Variants in SHISA9 observed in about 807,000 individuals in gnomAD.
The protein encoded by SHISA9 is shisa family member 9.
In SHISA9, 13 loss-of-function variants were observed where a neutral mutation model predicts 38.0. That is an observed-to-expected ratio of 0.34 (90% CI 0.22 to 0.54). The LOEUF (loss-of-function observed/expected upper bound fraction) is 0.54. Among genes scored for constraint, SHISA9 ranks in the 20% least tolerant of loss-of-function variants. The pLI is 0.91. For synonymous variants in SHISA9, 275 were observed against 242.0 expected (o/e 1.14, Z -1.27); for missense variants, 538 against 575.8 (o/e 0.93, Z 0.67).
chr16:12,936,788 C>G (rs1042126387), intron 2 of SHISA9, among the ~76,000 whole-genome samples: 2 of 152,174 alleles, frequency 1.3e-5, no homozygotes, highest in African/African-American at 4.8e-5. Context: ...CGAGACAAGA[C>G]TCTACTGTTA....
chr16:13,196,875 C>A (rs1188316181), intron 2 of SHISA9, among the ~76,000 whole-genome samples: 1 of 152,212 alleles, frequency 6.6e-6, no homozygotes, highest in Non-Finnish European at 1.5e-5. Flanking sequence ...AGGCAGGTCA[C>A]CTGAGGTCAG....
intron 2 of SHISA9, among the ~76,000 whole-genome samples, chr16:13,058,751 T>TTGTGTGTGTGTG (rs57415975): frequency 2.1e-4 from 31 of 144,946 alleles, no homozygotes; most frequent in African/African-American, 7.6e-4. Flanking sequence ...TGTGGTGTAT[T>TTGTGTGTGTGTG]TGTGTGTGTG....
intron 2 of SHISA9, among the ~76,000 whole-genome samples, chr16:12,960,033 T>C (rs2071888436): frequency 6.6e-6 from 1 of 152,246 alleles, no homozygotes; most frequent in African/African-American, 2.4e-5. Context: ...ACGCATTTCC[T>C]TTGAAGAAAT....
the SHISA9 span, among the ~76,000 whole-genome samples, chr16:13,277,798 A>G: frequency 1.3e-5 from 2 of 151,208 alleles, no homozygotes; most frequent in Admixed American, 1.3e-4. Flanking sequence ...CTGAATTAAC[A>G]TATCAGGAGC....
chr16:13,548,220 A>G, the SHISA9 span, among the ~76,000 whole-genome samples: 1 of 152,150 alleles, frequency 6.6e-6, no homozygotes, highest in Non-Finnish European at 1.5e-5. Context: ...CTCACAATGA[A>G]TTAAAGATTT....
chr16:13,191,933 G>A (rs1486127877), intron 2 of SHISA9, among the ~76,000 whole-genome samples: 2 of 152,090 alleles, frequency 1.3e-5, no homozygotes, highest in Non-Finnish European at 2.9e-5. Context: ...GCAAAGTTAT[G>A]GAACCAATGA....
chr16:12,906,191 A>C (rs1272862811), intron 1 of SHISA9, among the ~76,000 whole-genome samples: 1 of 152,334 alleles, frequency 6.6e-6, no homozygotes, highest in South Asian at 2.1e-4. Context: ...CCTGCCAGTC[A>C]CAGCCTCTTA....
chr16:13,106,995 TCTC>T (rs2073931893), intron 2 of SHISA9, among the ~76,000 whole-genome samples: 1 of 148,800 alleles, frequency 6.7e-6, no homozygotes, highest in Non-Finnish European at 1.5e-5. Flanking sequence ...TCTCTCTCTC[TCTC>T]TCTCTGCTTT....
At chr16:13,059,359 C>A (rs377570140) in intron 2 of SHISA9, among the ~76,000 whole-genome samples, 10 of 152,180 alleles carry the variant, frequency 6.6e-5, no homozygotes, top group African/African-American at 2.2e-4. Flanking sequence ...AATCTCCTGA[C>A]CTCGTGATCT....
chr16:13,082,504 T>G (rs1350524153), intron 2 of SHISA9: 2 of 151,972 alleles, frequency 1.3e-5, no homozygotes, highest in East Asian at 3.9e-4. Flanking sequence ...GAAGAGAGAG[T>G]GTCTCTGCAG....
intron 2 of SHISA9, among the ~76,000 whole-genome samples, chr16:13,112,594 C>A (rs1180558359): frequency 6.6e-6 from 1 of 152,006 alleles, no homozygotes; most frequent in Non-Finnish European, 1.5e-5. Context: ...CAATTTTATA[C>A]AATACCTCTC....
intron 2 of SHISA9, among the ~76,000 whole-genome samples, chr16:13,020,614 G>A (rs772215453): frequency 6.6e-6 from 1 of 152,090 alleles, no homozygotes; most frequent in East Asian, 1.9e-4. Flanking sequence ...TGGAGTCAAG[G>A]CTTCAGCATA....
the SHISA9 span, among the ~76,000 whole-genome samples, chr16:13,413,484 A>G: frequency 6.6e-6 from 1 of 152,134 alleles, no homozygotes; most frequent in Non-Finnish European, 1.5e-5. Context: ...GGCCAGGCGC[A>G]GTGGCTCACG....
At position 13,238,815 on chromosome 16, in the gene SHISA9, T is replaced by TTAA. The variant is rs1555475118; in HGVS notation, c.*3407_*3408insAAT. On this transcript the variant is annotated 3_prime_UTR_variant, in exon 5 of 5. Coordinates refer to ENST00000558583, the MANE Select transcript of SHISA9 (RefSeq NM_001145204.3). ...TTTTTTTTAATGTATCCATGGAGTA[T>TTAA]TTATTATTATTATTATTATTATTAT... 1 of 136,148 alleles carries TTAA rather than the reference T, an allele frequency of 7.3e-6. No homozygotes were observed. The highest frequency in any genetic ancestry group is 7.5e-5 in the Admixed American group (1 of 13,274). The allele number at this position is 136,148 out of a possible 1,614,324, so 8.4% of individuals were successfully genotyped here.
intron 3 of SHISA9, among the ~76,000 whole-genome samples, chr16:13,208,031 C>G (rs1157487945): frequency 6.6e-6 from 1 of 152,126 alleles, no homozygotes; most frequent in East Asian, 1.9e-4. Flanking sequence ...GCTTTAACAT[C>G]CAGAGCTCTG....
the SHISA9 span, among the ~76,000 whole-genome samples, chr16:13,342,494 C>G: frequency 6.6e-6 from 1 of 152,152 alleles, no homozygotes; most frequent in South Asian, 2.1e-4. Flanking sequence ...CCATGTTGGT[C>G]AGACTGGTCT....
chr16:13,338,610 C>T, the SHISA9 span, among the ~76,000 whole-genome samples: 9 of 152,256 alleles, frequency 5.9e-5, no homozygotes, highest in South Asian at 1.0e-3. Flanking sequence ...CTACACTGCA[C>T]GTCCTGCCTT....
intron 2 of SHISA9, among the ~76,000 whole-genome samples, chr16:13,000,951 A>T (rs2072516548): frequency 6.6e-6 from 1 of 151,996 alleles, no homozygotes; most frequent in African/African-American, 2.4e-5. Context: ...TTTTTTTGAG[A>T]TGGAGTCTCA....
chr16:13,478,318 A>T, the SHISA9 span, among the ~76,000 whole-genome samples: 3 of 152,226 alleles, frequency 2.0e-5, no homozygotes, highest in Admixed American at 1.3e-4. Context: ...TTCTTTATGG[A>T]ATTGTCTGGA....
Sources: gnomAD v4.1 joint callset for allele counts (sites outside exome capture counted in the v4.1 genomes callset) on GRCh38, gnomAD v4.1.1 for gene constraint, MANE v1.5 for transcripts, NCBI Gene and HGNC (gene_info 2026-07-23, HGNC 2026-07-21) for gene names.